The following STPG2 variants were observed in gnomAD, a reference collection of about 807,000 sequenced individuals.
The protein encoded by STPG2 is sperm-tail PG-rich repeat-containing protein 2.
STPG2 carries 56 observed loss-of-function variants against 54.2 expected under a neutral mutation model. That is an observed-to-expected ratio of 1.03 (90% CI 0.83 to 1.29). The LOEUF (loss-of-function observed/expected upper bound fraction) is 1.29, where lower values mean the gene tolerates loss of function less well. STPG2 is among the 50% of genes most tolerant of loss of function. The probability of loss-of-function intolerance (pLI) is 0.00; values close to 1 mark genes in which losing one functional copy is unlikely to be tolerated. For synonymous variants in STPG2, 200 were observed against 181.8 expected, an observed-to-expected ratio of 1.10 and a Z score of -0.81; for missense variants, 596 against 544.9, an observed-to-expected ratio of 1.09 and a Z score of -0.93.
chr4:97,901,187 C>T (rs904433040), intron 8 of STPG2, among the ~76,000 whole-genome samples: 1 of 151,758 alleles, frequency 6.6e-6, no homozygotes, highest in Non-Finnish European at 1.5e-5. Flanking sequence ...GAATGTACCT[C>T]AAAATGAAAA....
At chr4:97,813,147 C>T (rs1422374449) in intron 9 of STPG2, among the ~76,000 whole-genome samples, 2 of 152,068 alleles carry the variant, frequency 1.3e-5, no homozygotes, top group Non-Finnish European at 2.9e-5. Context: ...CATCTGTCTC[C>T]CTGCTTCCAC....
intron 8 of STPG2, among the ~76,000 whole-genome samples, chr4:97,896,870 G>A (rs111543201): frequency 0.012 from 1,803 of 151,594 alleles, 30 homozygotes; most frequent in African/African-American, 0.041. Flanking sequence ...TAGTTGGGAA[G>A]ACTATATAAA....
At chr4:97,929,655 G>C (rs2149217374) in intron 8 of STPG2, among the ~76,000 whole-genome samples, 1 of 152,216 alleles carries the variant, frequency 6.6e-6, no homozygotes, top group Non-Finnish European at 1.5e-5. Context: ...TCAGTTGATT[G>C]TTGGCCACAT....
In STPG2 at chr4:98,104,745, G is replaced by C. The variant is rs1334134638; in HGVS notation, c.612+1208C>G. Among the ~76,000 whole-genome samples, 41 of 152,096 alleles carry C rather than the reference G, an allele frequency of 2.7e-4. 2 individuals carry two copies. The highest frequency in any genetic ancestry group is 2.7e-3 in the Admixed American group (41 of 15,264). On this transcript the variant is annotated intron_variant, in intron 5 of 10. Transcript: ENST00000295268. ...CACATTTTTTAAATTATGTATTTCA[G>C]AGCATATATGTAATTAGAGGTAAAT...
At chr4:97,922,367 T>C (rs551946821) in intron 8 of STPG2, among the ~76,000 whole-genome samples, 6 of 152,300 alleles carry the variant, frequency 3.9e-5, no homozygotes, top group African/African-American at 1.4e-4. Flanking sequence ...ATTTAAAATG[T>C]ATAATTCAGC....
rs115535740 is a variant in STPG2, at chr4:97,530,075, C to T, written c.462+182624G>A. On this transcript the variant is annotated intron_variant, in intron 4 of 4. Transcript: ENST00000522676. ...TCTCCAAATTAAACAAATAGTATAA[C>T]GTATTGTACAAAATAAAAATTTAAT... Among the ~76,000 whole-genome samples the T allele has an allele frequency of 9.7e-3, 1,476 of 152,078 alleles. 25 individuals carry two copies. Among genetic ancestry groups the T allele is most frequent in the African/African-American group, 0.033 (1,389 of 41,490 alleles).
chr4:97,637,037 C>G (rs987312365), intron 10 of STPG2, among the ~76,000 whole-genome samples: 2 of 120,952 alleles, frequency 1.7e-5, no homozygotes, highest in Non-Finnish European at 3.7e-5. Context: ...GAGACAAAAC[C>G]AAAAAAGAGA....
intron 3 of STPG2, among the ~76,000 whole-genome samples, chr4:98,120,364 C>T (rs1001888606): frequency 6.6e-6 from 1 of 152,078 alleles, no homozygotes; most frequent in African/African-American, 2.4e-5. Flanking sequence ...CAGGCATGAG[C>T]CACCACGCCC....
intron 8 of STPG2, among the ~76,000 whole-genome samples, chr4:97,874,244 C>T (rs1380748345): frequency 6.6e-6 from 1 of 151,622 alleles, no homozygotes; most frequent in African/African-American, 2.4e-5. Context: ...GTTGACTATT[C>T]ATGTTCATTA....
chr4:97,782,944 G>A (rs867735289), intron 9 of STPG2, among the ~76,000 whole-genome samples: 34 of 152,286 alleles, frequency 2.2e-4, no homozygotes, highest in Middle Eastern at 6.8e-3. Context: ...ATGGATTAAA[G>A]ACTTCAATGT....
intron 5 of STPG2, among the ~76,000 whole-genome samples, chr4:98,046,753 C>T (rs565646744): frequency 2.0e-5 from 3 of 152,140 alleles, no homozygotes; most frequent in African/African-American, 7.2e-5. Flanking sequence ...CAGTGGCAAA[C>T]ATCTCCACTC....
At chr4:97,672,398 G>T (rs553873183) in intron 10 of STPG2, among the ~76,000 whole-genome samples, 1 of 151,666 alleles carries the variant, frequency 6.6e-6, no homozygotes, top group African/African-American at 2.4e-5. Context: ...GGCTGGTCTC[G>T]AACTCCCAAA....
chr4:97,883,158 AAT>A (rs1283139573), intron 8 of STPG2, among the ~76,000 whole-genome samples: 7 of 150,764 alleles, frequency 4.6e-5, no homozygotes, highest in South Asian at 2.1e-4. Flanking sequence ...TCTCTACAGA[AAT>A]ATATATATAT....
intron 7 of STPG2, among the ~76,000 whole-genome samples, chr4:97,963,355 T>C (rs998816234): frequency 1.2e-4 from 18 of 151,832 alleles, no homozygotes; most frequent in Admixed American, 4.6e-4. Context: ...TAATATTATG[T>C]TTTTTACCAC....
At chr4:97,956,053 GAAAT>G (rs1347923900) in intron 7 of STPG2, among the ~76,000 whole-genome samples, 2 of 151,698 alleles carry the variant, frequency 1.3e-5, no homozygotes, top group Non-Finnish European at 2.9e-5. Context: ...GCACAATAGA[GAAAT>G]AAATAAAAAA....
intron 3 of STPG2, among the ~76,000 whole-genome samples, chr4:98,122,681 G>A (rs1739712584): frequency 6.6e-6 from 1 of 151,994 alleles, no homozygotes; most frequent in African/African-American, 2.4e-5. Context: ...GTATCAGGAT[G>A]ATGCTGGCCT....
intron 10 of STPG2, among the ~76,000 whole-genome samples, chr4:97,634,042 C>A (rs776378508): frequency 5.3e-5 from 8 of 152,190 alleles, no homozygotes; most frequent in Non-Finnish European, 1.2e-4. Flanking sequence ...GGGGGCAGGG[C>A]ACAGACAAAC....
chr4:97,502,487 G>T (rs1307328691), intron 4 of STPG2, among the ~76,000 whole-genome samples: 1 of 151,938 alleles, frequency 6.6e-6, no homozygotes. Context: ...AAGGCAAATG[G>T]CTATCATTCA....
At position 97,543,557 on chromosome 4, in the gene STPG2, T is replaced by C. The variant is rs957207719; in HGVS notation, c.462+169142A>G. Among the ~76,000 whole-genome samples the C allele has an allele frequency of 7.2e-5, 11 of 152,214 alleles. No homozygotes were observed. The East Asian group carries it at 1.7e-3, about 24-fold the overall frequency. Reference sequence around the variant, plus strand: ...AACACGCCAAACAATTAAACAAGCTTCTATTTTGCCAGATATTTGGATATT... The same window carrying C: ...AACACGCCAAACAATTAAACAAGCTCCTATTTTGCCAGATATTTGGATATT... On this transcript the variant is annotated intron_variant, in intron 4 of 4. Coordinates refer to the STPG2 transcript ENST00000522676.
Sources: allele counts gnomAD v4.1 joint callset (sites outside exome capture counted in the v4.1 genomes callset), GRCh38; gene constraint gnomAD v4.1.1; transcripts MANE v1.5; gene names NCBI Gene and HGNC (gene_info 2026-07-23, HGNC 2026-07-21).